The following SAMD5 variants were observed in gnomAD, a reference collection of about 807,000 sequenced individuals.
SAMD5 encodes the protein sterile alpha motif domain containing 5.
A neutral mutation model predicts 11.3 loss-of-function variants in SAMD5; 13 were observed. The ratio of observed to expected loss-of-function variants is 1.15; its 90% CI spans 0.75 to 1.83. The LOEUF (loss-of-function observed/expected upper bound fraction) is 1.83. Among genes scored for constraint, SAMD5 ranks in the 40% most tolerant of loss-of-function variants. SAMD5 has a pLI of 0.00. For synonymous variants in SAMD5, 129 were observed against 111.3 expected, an observed-to-expected ratio of 1.16 and a Z score of -1.00; for missense variants, 255 against 239.1, an observed-to-expected ratio of 1.07 and a Z score of -0.44.
At chr6:147,933,776 C>T in the SAMD5 span, among the ~76,000 whole-genome samples, 72 of 152,256 alleles carry the variant, frequency 4.7e-4, no homozygotes, top group African/African-American at 1.6e-3. Context: ...AAATTGGACA[C>T]ATTCATTACA....
chr6:147,723,440 G>A (rs185324443), intron 1 of SAMD5, among the ~76,000 whole-genome samples: 1 of 152,310 alleles, frequency 6.6e-6, no homozygotes, highest in East Asian at 1.9e-4. Flanking sequence ...TCCCCTAGCA[G>A]CTTAAGGCTT....
At chr6:147,542,641 A>G (rs1788625642) in intron 1 of SAMD5, among the ~76,000 whole-genome samples, 1 of 152,158 alleles carries the variant, frequency 6.6e-6, no homozygotes. Context: ...CAGATGAGCC[A>G]GTTGATTGAT....
At chr6:147,802,196 A>G in the SAMD5 span, among the ~76,000 whole-genome samples, 1 of 152,364 alleles carries the variant, frequency 6.6e-6, no homozygotes, top group African/African-American at 2.4e-5. Context: ...ATTAACTGCT[A>G]TAATGTACTT....
chr6:147,746,856 A>G, the SAMD5 span, among the ~76,000 whole-genome samples: 1 of 152,220 alleles, frequency 6.6e-6, no homozygotes, highest in African/African-American at 2.4e-5. Context: ...TTTGCCAAAA[A>G]TAAGGCATGC....
the SAMD5 span, among the ~76,000 whole-genome samples, chr6:147,829,265 G>C: frequency 6.6e-6 from 1 of 152,222 alleles, no homozygotes; most frequent in African/African-American, 2.4e-5. Flanking sequence ...CAAGCTGTTT[G>C]CTGTGTGTGA....
At chr6:147,909,981 G>C in the SAMD5 span, among the ~76,000 whole-genome samples, 17 of 152,190 alleles carry the variant, frequency 1.1e-4, no homozygotes, top group South Asian at 8.3e-4. Flanking sequence ...AACTCATTTA[G>C]TGCTCCAGTG....
chr6:147,617,111 G>A lies in SAMD5; in HGVS notation c.162+107724G>A, dbSNP rs563658937. Among the ~76,000 whole-genome samples the A allele has an allele frequency of 3.9e-5, 6 of 152,178 alleles. No homozygotes were observed. The South Asian group carries it at 1.0e-3, about 26-fold the overall frequency. On this transcript the variant is annotated intron_variant, in intron 1 of 1. Transcript: ENST00000566741. ...TCTTCTTGTGGATCTCTCTTTCTTT[G>A]TTATGTGAGGGGTATCATATCCTGG...
the SAMD5 span, among the ~76,000 whole-genome samples, chr6:147,944,979 C>T: frequency 8.0e-3 from 1,220 of 152,268 alleles, 18 homozygotes; most frequent in African/African-American, 0.028. Flanking sequence ...AAGACATATT[C>T]CGCAACTGAG....
chr6:147,928,520 T>C, the SAMD5 span, among the ~76,000 whole-genome samples: 2 of 152,182 alleles, frequency 1.3e-5, no homozygotes, highest in Non-Finnish European at 2.9e-5. Context: ...ACATCTTCTT[T>C]GTCATTTCTA....
intron 1 of SAMD5, among the ~76,000 whole-genome samples, chr6:147,720,475 A>C (rs1264538963): frequency 7.5e-6 from 1 of 133,980 alleles, no homozygotes; most frequent in Non-Finnish European, 1.6e-5. Flanking sequence ...AAAAAAAAAA[A>C]CCTTCCACGG....
chr6:147,619,431 T>C (rs1467127381), intron 1 of SAMD5, among the ~76,000 whole-genome samples: 3 of 152,184 alleles, frequency 2.0e-5, no homozygotes, highest in Non-Finnish European at 4.4e-5. Flanking sequence ...ATGGCAGATA[T>C]GCAGATACTC....
intron 1 of SAMD5, among the ~76,000 whole-genome samples, chr6:147,600,011 C>T (rs1423601251): frequency 6.6e-6 from 1 of 152,022 alleles, no homozygotes; most frequent in East Asian, 1.9e-4. Flanking sequence ...TGGGACCAGT[C>T]GTGGTCACCC....
chr6:147,951,545 T>C, the SAMD5 span, among the ~76,000 whole-genome samples: 1 of 152,142 alleles, frequency 6.6e-6, no homozygotes, highest in Non-Finnish European at 1.5e-5. Flanking sequence ...TACACAGAAA[T>C]GCAAACGAGA....
chr6:147,617,752 T>C (rs1367620889), intron 1 of SAMD5, among the ~76,000 whole-genome samples: 1 of 152,166 alleles, frequency 6.6e-6, no homozygotes, highest in Non-Finnish European at 1.5e-5. Context: ...AATTTGGCCA[T>C]TGCCCTCCAT....
chr6:147,527,722 T>C (rs1285678544), intron 1 of SAMD5, among the ~76,000 whole-genome samples: 3 of 152,226 alleles, frequency 2.0e-5, no homozygotes, highest in Non-Finnish European at 2.9e-5. Context: ...CCCTTTCACC[T>C]GTGAGCCTGT....
chr6:147,524,463 C>T (rs146928380), intron 1 of SAMD5, among the ~76,000 whole-genome samples: 24 of 150,354 alleles, frequency 1.6e-4, no homozygotes, highest in Middle Eastern at 3.5e-3. Flanking sequence ...AAAGCAAGAG[C>T]GCCTATAATA....
the SAMD5 span, among the ~76,000 whole-genome samples, chr6:147,802,960 A>G: frequency 0.022 from 3,406 of 152,322 alleles, 130 homozygotes; most frequent in African/African-American, 0.077. Flanking sequence ...CTGGTTGTGT[A>G]TCACACAAAT....
chr6:147,913,785 T>C, the SAMD5 span, among the ~76,000 whole-genome samples: 1 of 152,340 alleles, frequency 6.6e-6, no homozygotes, highest in East Asian at 1.9e-4. Context: ...TTATGTGAAC[T>C]ATCTCTTTAA....
chr6:147,785,657 A>G, the SAMD5 span, among the ~76,000 whole-genome samples: 1 of 152,212 alleles, frequency 6.6e-6, no homozygotes, highest in Non-Finnish European at 1.5e-5. Flanking sequence ...ATATTCTTAC[A>G]TAAAATTAAA....
Sources: allele counts gnomAD v4.1 joint callset (sites outside exome capture counted in the v4.1 genomes callset), GRCh38; gene constraint gnomAD v4.1.1; transcripts MANE v1.5; gene names NCBI Gene and HGNC (gene_info 2026-07-23, HGNC 2026-07-21).